GPC5: variants seen among roughly 807,000 people sequenced by gnomAD.
GPC5 encodes the protein glypican-5.
In GPC5, 47 loss-of-function variants were observed where a neutral mutation model predicts 53.9. That is an observed-to-expected ratio of 0.87 (90% CI 0.69 to 1.11). GPC5 has a LOEUF of 1.11. Among genes scored for constraint, GPC5 ranks in the 50% most tolerant of loss-of-function variants. The probability of loss-of-function intolerance (pLI) is 0.00; values close to 1 mark genes in which losing one functional copy is unlikely to be tolerated. For synonymous variants in GPC5, 286 were observed against 263.3 expected, an observed-to-expected ratio of 1.09 and a Z score of -0.84; for missense variants, 748 against 713.1, an observed-to-expected ratio of 1.05 and a Z score of -0.56.
intron 6 of GPC5, among the ~76,000 whole-genome samples, chr13:91,993,690 G>T (rs559973808): frequency 1.3e-5 from 2 of 152,092 alleles, no homozygotes; most frequent in South Asian, 4.2e-4. Context: ...TCATGAAAAT[G>T]AAATACTCTT....
intron 7 of GPC5, among the ~76,000 whole-genome samples, chr13:92,542,313 C>T (rs1012321403): frequency 6.6e-6 from 1 of 151,846 alleles, no homozygotes; most frequent in Non-Finnish European, 1.5e-5. Flanking sequence ...ATCAATTAAC[C>T]AACCTCACCA....
chr13:92,860,863 CA>C (rs1280099773), intron 7 of GPC5, among the ~76,000 whole-genome samples: 1 of 151,976 alleles, frequency 6.6e-6, no homozygotes, highest in African/African-American at 2.4e-5. Flanking sequence ...TATTAAAAGA[CA>C]CTAAGAGAAA....
At chr13:92,571,972 C>A (rs1883038534) in intron 7 of GPC5, among the ~76,000 whole-genome samples, 3 of 152,000 alleles carry the variant, frequency 2.0e-5, no homozygotes, top group Non-Finnish European at 2.9e-5. Flanking sequence ...GAGGTCAAGG[C>A]TGCAGTGAGA....
At chr13:92,691,105 C>T (rs1467551215) in intron 7 of GPC5, among the ~76,000 whole-genome samples, 1 of 92,932 alleles carries the variant, frequency 1.1e-5, no homozygotes, top group African/African-American at 4.6e-5. Context: ...CCAGTTCGAG[C>T]TTCCAGGCTG....
At chr13:91,497,308 ATT>A (rs10551030) in intron 2 of GPC5, among the ~76,000 whole-genome samples, 54,449 of 149,498 alleles carry the variant, frequency 0.36, 10,290 homozygotes, top group East Asian at 0.59. Flanking sequence ...TGCTTCAGAT[ATT>A]TTTTTTTTTA....
intron 7 of GPC5, among the ~76,000 whole-genome samples, chr13:92,379,415 G>C (rs985224187): frequency 6.6e-6 from 1 of 152,254 alleles, no homozygotes; most frequent in South Asian, 2.1e-4. Flanking sequence ...GGGCAAAAAG[G>C]AGGGATTAGA....
intron 7 of GPC5, among the ~76,000 whole-genome samples, chr13:92,729,935 T>G (rs1441784552): frequency 6.6e-6 from 1 of 151,438 alleles, no homozygotes; most frequent in Non-Finnish European, 1.5e-5. Context: ...TCCCATTTTA[T>G]GTACAGCTTA....
intron 6 of GPC5, among the ~76,000 whole-genome samples, chr13:92,059,214 AGAAGACCACAAATAGT>A (rs2041101322): frequency 7.4e-4 from 112 of 151,788 alleles, no homozygotes; most frequent in African/African-American, 2.7e-3. Flanking sequence ...GTCTTAGATG[AGAAGACCACAAATAGT>A]CTCAACAATG....
chr13:91,490,384 G>C (rs79799269), intron 2 of GPC5, among the ~76,000 whole-genome samples: 1 of 152,096 alleles, frequency 6.6e-6, no homozygotes, highest in African/African-American at 2.4e-5. Context: ...TTAGAGGAAA[G>C]GTAATGATTT....
chr13:91,882,346 GCTC>G, intron 5 of GPC5, among the ~76,000 whole-genome samples: 1 of 151,922 alleles, frequency 6.6e-6, no homozygotes, highest in Non-Finnish European at 1.5e-5. Flanking sequence ...ACATTATAAT[GCTC>G]AAATTTTATA....
chr13:92,440,236 C>T (rs867670658), intron 7 of GPC5, among the ~76,000 whole-genome samples: 1 of 152,156 alleles, frequency 6.6e-6, no homozygotes, highest in East Asian at 1.9e-4. Context: ...GGTAGTTTTT[C>T]AACACTTTAC....
intron 7 of GPC5, among the ~76,000 whole-genome samples, chr13:92,510,459 T>G (rs539560884): frequency 3.9e-4 from 60 of 152,356 alleles, no homozygotes; most frequent in African/African-American, 1.4e-3. Context: ...ATGCTTTCTG[T>G]GCTCAGCTGC....
At chr13:92,281,741 A>G (rs978826882) in intron 7 of GPC5, among the ~76,000 whole-genome samples, 11 of 152,244 alleles carry the variant, frequency 7.2e-5, no homozygotes, top group African/African-American at 2.4e-4. Flanking sequence ...CCAAAACCCC[A>G]TCTGTACATC....
chr13:92,398,918 T>C (rs1255184734), intron 7 of GPC5, among the ~76,000 whole-genome samples: 1 of 152,126 alleles, frequency 6.6e-6, no homozygotes. Context: ...CACCTTTCCA[T>C]CCTAACCTAG....
intron 5 of GPC5, among the ~76,000 whole-genome samples, chr13:91,816,990 C>G (rs1018224723): frequency 3.3e-5 from 5 of 152,140 alleles, no homozygotes; most frequent in Admixed American, 6.5e-5. Context: ...TTCTCTTTTT[C>G]CATCTCTCCA....
rs535492786 is a variant in GPC5 at position 91,468,975 on chromosome 13, T to C, written c.325+20053T>C. Among the ~76,000 whole-genome samples the C allele has an allele frequency of 2.0e-5, 3 of 151,128 alleles. No individual in the cohort carries two copies. The East Asian group carries it at 5.9e-4, about 30-fold the overall frequency. On this transcript the variant is annotated intron_variant, in intron 2 of 7. Transcript: ENST00000377067. ...TCACTGTAGCCTTGACCTCCAGGAC[T>C]CAAGCCATCCTCCCACCTCAGCCTC...
At chr13:91,937,084 C>A (rs1292406376) in intron 6 of GPC5, among the ~76,000 whole-genome samples, 2 of 152,036 alleles carry the variant, frequency 1.3e-5, no homozygotes, top group Non-Finnish European at 2.9e-5. Context: ...CCACAACAGA[C>A]AAACACAGTA....
intron 7 of GPC5, among the ~76,000 whole-genome samples, chr13:92,419,440 A>G (rs1408082048): frequency 3.3e-5 from 5 of 152,202 alleles, no homozygotes; most frequent in African/African-American, 1.2e-4. Context: ...TAAGAATTTC[A>G]GATTAATCGT....
intron 5 of GPC5, among the ~76,000 whole-genome samples, chr13:91,862,422 A>G (rs1389030296): frequency 2.6e-5 from 4 of 152,232 alleles, no homozygotes; most frequent in Non-Finnish European, 4.4e-5. Flanking sequence ...TAGCCTGGGG[A>G]ATAGGGTGGG....
Sources: allele counts gnomAD v4.1 joint callset (sites outside exome capture counted in the v4.1 genomes callset), GRCh38; gene constraint gnomAD v4.1.1; transcripts MANE v1.5; gene names NCBI Gene and HGNC (gene_info 2026-07-23, HGNC 2026-07-21).